PARD3B: variants seen among roughly 807,000 people sequenced by gnomAD.
PARD3B encodes the protein partitioning defective 3 homolog B.
A neutral mutation model predicts 130.2 loss-of-function variants in PARD3B; 103 were observed. The observed-to-expected ratio is 0.79, with a 90% CI of 0.67 to 0.93. The LOEUF (loss-of-function observed/expected upper bound fraction) is 0.93. PARD3B is among the 40% of genes least tolerant of loss of function. The pLI is 0.00. For synonymous variants in PARD3B, 583 were observed against 553.2 expected, an observed-to-expected ratio of 1.05 and a Z score of -0.76; for missense variants, 1,609 against 1,499.2, an observed-to-expected ratio of 1.07 and a Z score of -1.21.
intron 4 of PARD3B, among the ~76,000 whole-genome samples, chr2:205,097,636 T>G (rs1702478807): frequency 6.6e-6 from 1 of 152,256 alleles, no homozygotes; most frequent in African/African-American, 2.4e-5. Context: ...CTTCAAGCAT[T>G]GAGTGCGGGG....
At position 204,689,001 on chromosome 2, in the gene PARD3B, C is replaced by T. The variant is rs1291736954; in HGVS notation, c.222+2719C>T. Among the ~76,000 whole-genome samples the T allele has an allele frequency of 6.6e-6, 1 of 152,108 alleles. No individual in the cohort carries two copies. On this transcript the variant is annotated intron_variant, in intron 2 of 22. Transcript: ENST00000406610. This position sits in a 1 kb window ranked among gnomAD's most constrained non-coding sequence, Gnocchi z 5.2. ...GAAGTGGCATTAAGGAACTGTTGGTCTATTGCAGCATATCAGGCAGGAAAA... is the reference window on the plus strand; with the variant it reads ...GAAGTGGCATTAAGGAACTGTTGGTTTATTGCAGCATATCAGGCAGGAAAA...
At chr2:205,110,636 T>G (rs966455112) in intron 5 of PARD3B, among the ~76,000 whole-genome samples, 1 of 125,424 alleles carries the variant, frequency 8.0e-6, no homozygotes, top group African/African-American at 2.7e-5. Context: ...TGTTTTTTGT[T>G]TTTTGTTTTT....
At chr2:204,804,117 A>G (rs2042678744) in intron 2 of PARD3B, among the ~76,000 whole-genome samples, 1 of 152,144 alleles carries the variant, frequency 6.6e-6, no homozygotes, top group Non-Finnish European at 1.5e-5. Flanking sequence ...AGTACCAGCT[A>G]CTCAGGAGGC....
intron 2 of PARD3B, among the ~76,000 whole-genome samples, chr2:204,899,916 CA>C (rs1307341855): frequency 1.3e-5 from 2 of 151,464 alleles, no homozygotes; most frequent in African/African-American, 4.9e-5. Flanking sequence ...TTTTCTTCAG[CA>C]GTTAAAACAT....
chr2:205,478,496 G>A (rs73055967), intron 20 of PARD3B, among the ~76,000 whole-genome samples: 20,804 of 152,034 alleles, frequency 0.14, 2,641 homozygotes, highest in African/African-American at 0.34. Flanking sequence ...TAGTCTATTC[G>A]CTTTTACCCA....
intron 3 of PARD3B, among the ~76,000 whole-genome samples, chr2:205,016,229 C>A (rs1420733128): frequency 6.6e-6 from 1 of 152,074 alleles, no homozygotes; most frequent in Non-Finnish European, 1.5e-5. Context: ...TGGGACTTAC[C>A]TGCTGGGAAC....
Position 204,664,984 on chromosome 2 carries a change from GCT to G in PARD3B, c.121-21193_121-21192del, listed in dbSNP as rs2035962186. On this transcript the variant is annotated intron_variant, in intron 1 of 22. Transcript: ENST00000406610. The surrounding 1 kb of genome is among the most constrained non-coding windows in gnomAD (Gnocchi z 5.2). ...TAGGTTCAGTTTTAGCAAATCCGTT[GCT>G]CTCATGAAGACTGTAGAGAAAATGT... 6.6e-6 allele frequency among the ~76,000 whole-genome samples: 1 copy of G among 152,126 alleles called. No individual in the cohort carries two copies. Among genetic ancestry groups the G allele is most frequent in the African/African-American group, 2.4e-5 (1 of 41,428 alleles).
In PARD3B at chr2:205,309,957, G is replaced by A. The variant is rs1054222350; in HGVS notation, c.2630+8256G>A. The stretch of plus-strand genomic sequence containing the variant: ...TATTTTTCATTGGAAAGTAAAAACT[G>A]TCTATATATGGTATGCAACATGATG... On this transcript the variant is annotated intron_variant, in intron 18 of 22. Transcript: ENST00000406610. This position sits in a 1 kb window ranked among gnomAD's most constrained non-coding sequence, Gnocchi z 4.7. 1.3e-5 allele frequency among the ~76,000 whole-genome samples: 2 copies of A among 151,876 alleles called. No homozygotes were observed. The highest frequency in any genetic ancestry group is 4.8e-5 in the African/African-American group (2 of 41,310).
intron 10 of PARD3B, among the ~76,000 whole-genome samples, chr2:205,155,821 G>GT (rs1379773965): frequency 6.6e-6 from 1 of 152,224 alleles, no homozygotes; most frequent in Admixed American, 6.5e-5. Flanking sequence ...TTTTTCATGT[G>GT]TTTTTTGGCT....
chr2:205,447,333 C>A (rs1327078342), intron 20 of PARD3B, among the ~76,000 whole-genome samples: 1 of 152,136 alleles, frequency 6.6e-6, no homozygotes, highest in East Asian at 1.9e-4. Context: ...GGCAGTCTGT[C>A]CTCAATAAAT....
chr2:204,858,814 A>G (rs1022960072), intron 2 of PARD3B, among the ~76,000 whole-genome samples: 9 of 148,674 alleles, frequency 6.1e-5, no homozygotes, highest in African/African-American at 2.2e-4. Context: ...ATACATATAT[A>G]ATATAACATG....
chr2:204,984,555 T>C (rs535627544), intron 3 of PARD3B, among the ~76,000 whole-genome samples: 126 of 152,274 alleles, frequency 8.3e-4, no homozygotes, highest in African/African-American at 2.9e-3. Flanking sequence ...GTATGTGTAT[T>C]CCTTTGTATT....
At chr2:205,394,087 G>C (rs1050448424) in intron 18 of PARD3B, among the ~76,000 whole-genome samples, 2 of 152,022 alleles carry the variant, frequency 1.3e-5, no homozygotes, top group Non-Finnish European at 2.9e-5. Flanking sequence ...GTGTGCATTG[G>C]CTATTGTGAT....
Position 205,397,207 on chromosome 2 carries a change from A to G in PARD3B, c.2631-3806A>G, listed in dbSNP as rs548682611. 1.8e-4 allele frequency among the ~76,000 whole-genome samples: 27 copies of G among 152,330 alleles called. No homozygotes were observed. The highest frequency in any genetic ancestry group is 6.0e-4 in the African/African-American group (25 of 41,574). The stretch of plus-strand genomic sequence containing the variant: ...GTTTTATAATGCTTTTCTTGGGCCT[A>G]CCCAAACTTTACAAAATAAGGTAAT... On this transcript the variant is annotated intron_variant, in intron 18 of 22. Coordinates refer to ENST00000406610, the MANE Select transcript of PARD3B (RefSeq NM_001302769.2). The surrounding 1 kb of genome is among the most constrained non-coding windows in gnomAD (Gnocchi z 4.8).
rs1383942247 is a variant in PARD3B at position 205,463,462 on chromosome 2, T to C, written c.3044+22790T>C. On this transcript the variant is annotated intron_variant, in intron 20 of 22. Coordinates refer to ENST00000406610, the MANE Select transcript of PARD3B (RefSeq NM_001302769.2). The surrounding 1 kb of genome is among the most constrained non-coding windows in gnomAD (Gnocchi z 4.8). ...TTAAAAAAAAAAAAAAAAAAAAACC[T>C]GTCATTTAATTTTAAATGCTAATAT... Among the ~76,000 whole-genome samples, 3 of 148,836 alleles carry C rather than the reference T, an allele frequency of 2.0e-5. No individual in the cohort carries two copies. Among genetic ancestry groups the C allele is most frequent in the Non-Finnish European group, 3.0e-5 (2 of 67,340 alleles).
At chr2:205,245,457 C>T (rs1251290357) in intron 15 of PARD3B, among the ~76,000 whole-genome samples, 1 of 151,990 alleles carries the variant, frequency 6.6e-6, no homozygotes, top group Non-Finnish European at 1.5e-5. Context: ...TGTATACATC[C>T]CTGGGTCTAT....
Position 204,837,993 on chromosome 2 carries a change from CAAT to C in PARD3B, c.223-127158_223-127156del, listed in dbSNP as rs147497747. Among the ~76,000 whole-genome samples the C allele has an allele frequency of 7.3e-3, 1,048 of 143,372 alleles. 9 individuals carry two copies. The highest frequency in any genetic ancestry group is 0.023 in the African/African-American group (949 of 40,612). 94.1% of individuals were successfully genotyped at this position (143,372 alleles called of 152,430 possible). On this transcript the variant is annotated intron_variant, in intron 2 of 22. Transcript: ENST00000406610. ...CTAAGCATTGGGGCTACCAAGATGA[CAAT>C]GATAACATCAAGGAGCTCACAGTAT...
At chr2:205,443,301 G>A (rs192081025) in intron 20 of PARD3B, among the ~76,000 whole-genome samples, 1 of 152,160 alleles carries the variant, frequency 6.6e-6, no homozygotes, top group Non-Finnish European at 1.5e-5. Flanking sequence ...CTGTTAGAGG[G>A]CAATGCCATT....
intron 2 of PARD3B, among the ~76,000 whole-genome samples, chr2:204,747,421 GA>G (rs1465683710): frequency 4.6e-5 from 7 of 152,104 alleles, no homozygotes; most frequent in Non-Finnish European, 7.4e-5. Flanking sequence ...ACTGCTCAAC[GA>G]AATAAAAGAG....
Sources: allele counts gnomAD v4.1 joint callset (sites outside exome capture counted in the v4.1 genomes callset), GRCh38; gene constraint gnomAD v4.1.1; non-coding constraint Gnocchi (gnomAD v3.1); transcripts MANE v1.5; gene names NCBI Gene and HGNC (gene_info 2026-07-23, HGNC 2026-07-21).